Variants in MMP16 observed in about 807,000 individuals in gnomAD.
The protein encoded by MMP16 is matrix metalloproteinase-16.
A neutral mutation model predicts 67.8 loss-of-function variants in MMP16; 12 were observed. The ratio of observed to expected loss-of-function variants is 0.18; its 90% CI spans 0.11 to 0.29. The LOEUF (loss-of-function observed/expected upper bound fraction) is 0.29, where lower values mean the gene tolerates loss of function less well. MMP16 is among the 10% of genes least tolerant of loss of function. The probability of loss-of-function intolerance (pLI) is 1.00; values close to 1 mark genes in which losing one functional copy is unlikely to be tolerated. For missense variants in MMP16, 475 were observed against 765.7 expected (o/e 0.62, Z 4.48); for synonymous variants, 249 against 255.9 (o/e 0.97, Z 0.26).
At chr8:88,226,238 T>A (rs552016657) in intron 1 of MMP16, among the ~76,000 whole-genome samples, 25 of 152,182 alleles carry the variant, frequency 1.6e-4, no homozygotes, top group Non-Finnish European at 3.5e-4. Context: ...ATCTGTGTTC[T>A]CCTTTCTATT....
At chr8:88,177,106 G>A (rs1808905544) in intron 3 of MMP16, among the ~76,000 whole-genome samples, 1 of 152,078 alleles carries the variant, frequency 6.6e-6, no homozygotes, top group African/African-American at 2.4e-5. Flanking sequence ...TACATCTTTT[G>A]TGGATTTATT....
At chr8:88,113,402 G>A (rs554726209) in intron 6 of MMP16, among the ~76,000 whole-genome samples, 23 of 151,776 alleles carry the variant, frequency 1.5e-4, no homozygotes, top group African/African-American at 5.1e-4. Flanking sequence ...AGATGAAGAC[G>A]CTTCTAAATT....
chr8:88,154,584 G>A lies in MMP16; in HGVS notation c.709+13085C>T, dbSNP rs1363677390. 4.6e-5 allele frequency among the ~76,000 whole-genome samples: 7 copies of A among 151,574 alleles called. No homozygotes were observed. The East Asian group carries it at 1.4e-3, about 29-fold the overall frequency. On this transcript the variant is annotated intron_variant, in intron 4 of 9. Transcript: ENST00000286614. The stretch of plus-strand genomic sequence containing the variant: ...CCTTTGTAGGGACATGGATGAAATT[G>A]GAAATCATCATTCTCAGTTAACTAT...
At chr8:88,311,518 T>C (rs1811294102) in intron 1 of MMP16, among the ~76,000 whole-genome samples, 1 of 152,178 alleles carries the variant, frequency 6.6e-6, no homozygotes, top group Non-Finnish European at 1.5e-5. Flanking sequence ...ATTTAAAGTA[T>C]CTGGAAAGAT....
chr8:88,074,294 CCAAA>C (rs1034940783), intron 7 of MMP16, among the ~76,000 whole-genome samples: 6 of 152,170 alleles, frequency 3.9e-5, no homozygotes, highest in African/African-American at 4.8e-5. Context: ...TCCAAATACT[CCAAA>C]CAAACAAACA....
Position 88,086,015 on chromosome 8 carries a change from T to C in MMP16, c.1084-11272A>G, listed in dbSNP as rs189218683. 8.8e-4 allele frequency among the ~76,000 whole-genome samples: 134 copies of C among 151,934 alleles called. 3 individuals are homozygous for C. The highest frequency in any genetic ancestry group is 2.4e-3 in the African/African-American group (99 of 41,330). ...TTCATGAAGACAATAATATATTAAT[T>C]TTTATCCAATTTCTATACATAAACA... is the stretch of plus-strand genomic sequence containing the variant. On this transcript the variant is annotated intron_variant, in intron 6 of 9. Transcript: ENST00000286614.
At chr8:88,082,166 GACAC>G (rs150052923) in intron 6 of MMP16, among the ~76,000 whole-genome samples, 2 of 151,010 alleles carry the variant, frequency 1.3e-5, no homozygotes, top group African/African-American at 2.4e-5. Context: ...CGCACACACA[GACAC>G]ACACACACAC....
intron 1 of MMP16, among the ~76,000 whole-genome samples, chr8:88,228,217 G>A (rs887755422): frequency 9.2e-5 from 14 of 152,008 alleles, no homozygotes; most frequent in African/African-American, 3.1e-4. Context: ...TTGGCATGAT[G>A]TTTCAAGAGC....
At chr8:88,171,135 A>T (rs1162697780) in intron 3 of MMP16, among the ~76,000 whole-genome samples, 1 of 152,226 alleles carries the variant, frequency 6.6e-6, no homozygotes, top group Admixed American at 6.5e-5. Context: ...AAATAATATA[A>T]TAAAAATAAT....
intron 1 of MMP16, among the ~76,000 whole-genome samples, chr8:88,239,396 C>G (rs1219392420): frequency 1.3e-5 from 2 of 151,030 alleles, no homozygotes; most frequent in Non-Finnish European, 2.9e-5. Context: ...TTTAACTTGT[C>G]ATCGAGTGAA....
intron 1 of MMP16, among the ~76,000 whole-genome samples, chr8:88,298,920 T>A (rs945104679): frequency 6.6e-6 from 1 of 152,150 alleles, no homozygotes; most frequent in African/African-American, 2.4e-5. Context: ...GAGTTTTTAA[T>A]CATTAAAAAA....
At chr8:88,289,133 C>CAGAG (rs149638416) in intron 1 of MMP16, among the ~76,000 whole-genome samples, 13 of 149,030 alleles carry the variant, frequency 8.7e-5, no homozygotes, top group Non-Finnish European at 1.5e-4. Flanking sequence ...GAGACAGAGA[C>CAGAG]AGAGAGAGAG....
chr8:88,045,130 T>C (rs970421418), intron 9 of MMP16, among the ~76,000 whole-genome samples: 1 of 152,192 alleles, frequency 6.6e-6, no homozygotes, highest in Non-Finnish European at 1.5e-5. Context: ...TCTCAGCAAG[T>C]ACTATGATCA....
chr8:88,054,958 T>C (rs1808312914), intron 8 of MMP16, among the ~76,000 whole-genome samples: 1 of 152,134 alleles, frequency 6.6e-6, no homozygotes, highest in Admixed American at 6.6e-5. Flanking sequence ...TCTTAAAAAT[T>C]TACTCATAAA....
chr8:88,133,643 CTT>C (rs1337880233), intron 4 of MMP16, among the ~76,000 whole-genome samples: 1 of 151,694 alleles, frequency 6.6e-6, no homozygotes, highest in Non-Finnish European at 1.5e-5. Context: ...ATTAATGACT[CTT>C]AAGTCTTAGT....
chr8:88,074,311 C>A (rs17663614), intron 7 of MMP16, among the ~76,000 whole-genome samples: 30 of 152,002 alleles, frequency 2.0e-4, no homozygotes, highest in Non-Finnish European at 4.4e-5. Flanking sequence ...AACAAACAAA[C>A]CTTTAGTCAG....
intron 1 of MMP16, among the ~76,000 whole-genome samples, chr8:88,301,812 C>T (rs1404829055): frequency 6.6e-6 from 1 of 152,114 alleles, no homozygotes; most frequent in African/African-American, 2.4e-5. Flanking sequence ...TTCACTTTTG[C>T]CCCATTAAAA....
chr8:88,300,365 A>C (rs982937538), intron 1 of MMP16, among the ~76,000 whole-genome samples: 3 of 152,156 alleles, frequency 2.0e-5, no homozygotes, highest in Non-Finnish European at 4.4e-5. Flanking sequence ...AGAATAACCA[A>C]TTCATACATT....
intron 8 of MMP16, among the ~76,000 whole-genome samples, chr8:88,049,607 C>T (rs948350703): frequency 3.9e-5 from 6 of 152,278 alleles, no homozygotes; most frequent in Middle Eastern, 3.4e-3. Flanking sequence ...ATAGATGCAG[C>T]GTCGGTTTAC....
Sources: gnomAD v4.1 joint callset for allele counts (sites outside exome capture counted in the v4.1 genomes callset) on GRCh38, gnomAD v4.1.1 for gene constraint, MANE v1.5 for transcripts, NCBI Gene and HGNC (gene_info 2026-07-23, HGNC 2026-07-21) for gene names.